The following SNTG1 variants were observed in gnomAD, a reference collection of about 807,000 sequenced individuals.
SNTG1 encodes the protein syntrophin gamma 1.
Under a neutral mutation model 74.7 loss-of-function variants are expected in SNTG1, and 39 were observed. That is an observed-to-expected ratio of 0.52 (90% CI 0.40 to 0.68). SNTG1 has a LOEUF of 0.68. SNTG1 is among the 30% of genes least tolerant of loss of function. The pLI is 0.00. For synonymous variants in SNTG1, 254 were observed against 217.1 expected, an observed-to-expected ratio of 1.17 and a Z score of -1.49; for missense variants, 685 against 609.5, an observed-to-expected ratio of 1.12 and a Z score of -1.30.
At chr8:50,713,674 T>C (rs1017849434) in intron 17 of SNTG1, among the ~76,000 whole-genome samples, 2 of 152,174 alleles carry the variant, frequency 1.3e-5, no homozygotes, top group Non-Finnish European at 2.9e-5. Context: ...CTTTAATCCA[T>C]CTTGAGTTAA....
chr8:49,944,302 T>C (rs1808959969), intron 1 of SNTG1, among the ~76,000 whole-genome samples: 1 of 152,130 alleles, frequency 6.6e-6, no homozygotes, highest in Non-Finnish European at 1.5e-5. Flanking sequence ...TCTAGAATTC[T>C]ATTTCAGGGA....
intron 2 of SNTG1, among the ~76,000 whole-genome samples, chr8:50,323,431 G>T (rs542810714): frequency 6.6e-6 from 1 of 152,188 alleles, no homozygotes; most frequent in Non-Finnish European, 1.5e-5. Flanking sequence ...GGGCATTAAA[G>T]AATTAGGTAT....
chr8:50,440,490 T>C (rs2093348496), intron 5 of SNTG1, among the ~76,000 whole-genome samples: 2 of 152,154 alleles, frequency 1.3e-5, no homozygotes, highest in Admixed American at 6.5e-5. Context: ...TGTTTATTTG[T>C]TAGCACTATT....
intron 2 of SNTG1, among the ~76,000 whole-genome samples, chr8:50,281,475 T>A (rs2088453378): frequency 6.6e-6 from 1 of 152,218 alleles, no homozygotes; most frequent in Non-Finnish European, 1.5e-5. Flanking sequence ...TTCTCTGAAG[T>A]TTTTATCAAT....
intron 1 of SNTG1, among the ~76,000 whole-genome samples, chr8:50,043,334 TG>T (rs1218019454): frequency 2.6e-5 from 4 of 152,224 alleles, no homozygotes; most frequent in African/African-American, 9.6e-5. Flanking sequence ...AATTATTTCT[TG>T]CATAGCAGGA....
intron 2 of SNTG1, among the ~76,000 whole-genome samples, chr8:50,238,163 A>G (rs2086000538): frequency 6.6e-6 from 1 of 152,174 alleles, no homozygotes; most frequent in South Asian, 2.1e-4. Context: ...TATGAAACTC[A>G]AAATGAACCC....
intron 2 of SNTG1, among the ~76,000 whole-genome samples, chr8:50,245,119 A>G (rs2086337559): frequency 6.6e-6 from 1 of 152,150 alleles, no homozygotes. Flanking sequence ...AGCAATAAAC[A>G]TGCTTCATTC....
At chr8:49,971,250 G>A (rs1811642540) in intron 1 of SNTG1, among the ~76,000 whole-genome samples, 1 of 152,106 alleles carries the variant, frequency 6.6e-6, no homozygotes, top group African/African-American at 2.4e-5. Context: ...CATATAAACA[G>A]AACCAAGACA....
chr8:50,788,259 T>A (rs957907992), intron 18 of SNTG1, among the ~76,000 whole-genome samples: 4 of 152,008 alleles, frequency 2.6e-5, no homozygotes, highest in African/African-American at 9.7e-5. Flanking sequence ...TATCTTGAAA[T>A]CAAGAGCCAT....
chr8:50,744,957 A>G (rs1212490713), intron 17 of SNTG1, among the ~76,000 whole-genome samples: 3 of 152,024 alleles, frequency 2.0e-5, no homozygotes, highest in African/African-American at 7.2e-5. Context: ...TGTAGAAGAA[A>G]GCATAGGGGA....
At chr8:50,339,265 T>G (rs768197364) in intron 2 of SNTG1, among the ~76,000 whole-genome samples, 51 of 152,054 alleles carry the variant, frequency 3.4e-4, no homozygotes, top group Non-Finnish European at 7.4e-5. Flanking sequence ...GGGGAACATA[T>G]TTTCAGTTCA....
intron 4 of SNTG1, among the ~76,000 whole-genome samples, chr8:50,427,283 A>C (rs184094758): frequency 6.6e-6 from 1 of 152,338 alleles, no homozygotes; most frequent in African/African-American, 2.4e-5. Context: ...AATTTTACTA[A>C]GTAAGCTTTG....
intron 11 of SNTG1, 52 bp from the exon 12 acceptor site, chr8:50,552,998 A>G: frequency 6.2e-7 from 1 of 1,605,466 alleles, no homozygotes; most frequent in Non-Finnish European, 8.5e-7. Context: ...TACGAGCTGC[A>G]AATAGATCAA....
At chr8:50,215,776 CAGA>C (rs1250513586) in intron 2 of SNTG1, among the ~76,000 whole-genome samples, 5 of 152,018 alleles carry the variant, frequency 3.3e-5, no homozygotes, top group Admixed American at 6.6e-5. Flanking sequence ...AGAAAGTTTT[CAGA>C]AGGAGATTAT....
chr8:50,552,292 A>G (rs1297589971), intron 11 of SNTG1, among the ~76,000 whole-genome samples: 3 of 152,218 alleles, frequency 2.0e-5, no homozygotes, highest in Non-Finnish European at 1.5e-5. Context: ...CATTGAAGCT[A>G]TATGAAACAC....
intron 2 of SNTG1, among the ~76,000 whole-genome samples, chr8:50,192,979 T>C (rs780925822): frequency 1.3e-5 from 2 of 152,150 alleles, no homozygotes; most frequent in African/African-American, 4.8e-5. Flanking sequence ...GGTTTATTTC[T>C]GGATTCTCTA....
At chr8:50,538,461 T>A (rs78350354) in intron 11 of SNTG1, among the ~76,000 whole-genome samples, 14,060 of 152,166 alleles carry the variant, frequency 0.092, 863 homozygotes, top group Middle Eastern at 0.26. Context: ...TTTTCATTTA[T>A]CTGAGAGGAT....
intron 2 of SNTG1, among the ~76,000 whole-genome samples, chr8:50,331,231 AT>A (rs2090954709): frequency 6.6e-6 from 1 of 152,012 alleles, no homozygotes; most frequent in Admixed American, 6.5e-5. Context: ...CGCTTGTTGT[AT>A]TTTTTACTAA....
chr8:50,511,204 G>C (rs1286614503), intron 9 of SNTG1, among the ~76,000 whole-genome samples: 1 of 152,170 alleles, frequency 6.6e-6, no homozygotes, highest in East Asian at 1.9e-4. Context: ...AGGTTGTTCA[G>C]TTTCCATGTA....
Sources: allele counts gnomAD v4.1 joint callset (sites outside exome capture counted in the v4.1 genomes callset), GRCh38; gene constraint gnomAD v4.1.1; transcripts MANE v1.5; gene names NCBI Gene and HGNC (gene_info 2026-07-23, HGNC 2026-07-21).